Variants in AMZ1 observed in about 807,000 individuals in gnomAD.
The protein encoded by AMZ1 is archaemetzincin-1.
Under a neutral mutation model 29.9 loss-of-function variants are expected in AMZ1, and 39 were observed. The observed-to-expected ratio is 1.30, with a 90% CI of 1.01 to 1.70. The LOEUF (loss-of-function observed/expected upper bound fraction) is 1.70. AMZ1 is among the 40% of genes most tolerant of loss of function. AMZ1 has a pLI of 0.00. For synonymous variants in AMZ1, 458 were observed against 304.0 expected, an observed-to-expected ratio of 1.51 and a Z score of -5.27; for missense variants, 1,041 against 680.6, an observed-to-expected ratio of 1.53 and a Z score of -5.89.
intron 4 of AMZ1, chr7:2,733,459 C>A: frequency 6.2e-7 from 1 of 1,613,746 alleles, no homozygotes; most frequent in East Asian, 2.2e-5. Flanking sequence ...ACCAGCTGGC[C>A]GATCCGGTCC....
intron 4 of AMZ1, among the ~76,000 whole-genome samples, chr7:2,750,459 T>C (rs987391310): frequency 5.9e-5 from 9 of 152,240 alleles, no homozygotes; most frequent in African/African-American, 1.7e-4. Flanking sequence ...AAGCCTTGAA[T>C]AATACCCAAC....
downstream of AMZ1, among the ~76,000 whole-genome samples, chr7:2,721,103 A>G (rs536028740): frequency 2.1e-4 from 32 of 152,104 alleles, no homozygotes; most frequent in Non-Finnish European, 4.4e-4. Context: ...AAAACGACCG[A>G]CTCTATTGAA....
intron 1 of AMZ1, among the ~76,000 whole-genome samples, chr7:2,699,404 C>T (rs1023809437): frequency 1.8e-4 from 27 of 152,316 alleles, no homozygotes; most frequent in Admixed American, 1.3e-3. Flanking sequence ...GCTGTTGCTT[C>T]TCCACTTCTC....
At chr7:2,683,196 C>A (rs1034433851) in intron 1 of AMZ1, among the ~76,000 whole-genome samples, 2 of 152,184 alleles carry the variant, frequency 1.3e-5, no homozygotes, top group African/African-American at 4.8e-5. Flanking sequence ...TGACAAATGA[C>A]CACAGCTGTG....
chr7:2,736,468 GTGTC>G (rs568110451), intron 4 of AMZ1, among the ~76,000 whole-genome samples: 38 of 152,334 alleles, frequency 2.5e-4, no homozygotes, highest in African/African-American at 8.9e-4. Flanking sequence ...TCCCACGAAT[GTGTC>G]TGTCCTCTCA....
intron 4 of AMZ1, among the ~76,000 whole-genome samples, chr7:2,743,431 C>A (rs535770153): frequency 2.0e-5 from 3 of 152,296 alleles, no homozygotes; most frequent in South Asian, 4.1e-4. Context: ...AAGTTATCAA[C>A]TCAAATATCC....
intron 6 of AMZ1, among the ~76,000 whole-genome samples, chr7:2,711,013 G>A (rs950625364): frequency 8.5e-5 from 13 of 152,150 alleles, no homozygotes; most frequent in Non-Finnish European, 1.8e-4. Flanking sequence ...GCAACCATCT[G>A]ACATGAACTT....
At chr7:2,738,614 C>A (rs1384807447) in intron 4 of AMZ1, among the ~76,000 whole-genome samples, 3 of 152,004 alleles carry the variant, frequency 2.0e-5, no homozygotes, top group African/African-American at 7.3e-5. Flanking sequence ...ATAAAAATGA[C>A]TTCTAGGGAG....
chr7:2,713,964 C>G lies in AMZ1; in HGVS notation c.*1086C>G, dbSNP rs1008637256. On this transcript the variant is annotated 3_prime_UTR_variant, in exon 7 of 7. Transcript: ENST00000683327. ...AGTTGCTGAGAGAGGGGTATTATTG[C>G]CATGGCTGGGCGTTTGATCTGTCTC... is the stretch of plus-strand genomic sequence containing the variant. 1 of 152,112 alleles carries G rather than the reference C, an allele frequency of 6.6e-6. No individual in the cohort carries two copies. Among genetic ancestry groups the G allele is most frequent in the Non-Finnish European group, 1.5e-5 (1 of 68,058 alleles). The allele number at this position is 152,112 out of a possible 1,614,324, so 9.4% of individuals were successfully genotyped here.
chr7:2,739,831 C>G (rs553276857), intron 4 of AMZ1, among the ~76,000 whole-genome samples: 1 of 152,312 alleles, frequency 6.6e-6, no homozygotes, highest in African/African-American at 2.4e-5. Flanking sequence ...GCCACCAAAC[C>G]TGGCTAATTT....
chr7:2,685,827 T>A (rs146048657), upstream of AMZ1, among the ~76,000 whole-genome samples: 734 of 138,198 alleles, frequency 5.3e-3, 5 homozygotes, highest in African/African-American at 0.019. Context: ...CACTCCAGCC[T>A]GAGTGACAGA....
In AMZ1 at chr7:2,737,274, G is replaced by GTTTT. The variant is rs1041056812; in HGVS notation, n.551-27427_551-27424dup. On this transcript the variant is annotated intron_variant and non_coding_transcript_variant, in intron 4 of 4. Transcript: ENST00000489665. ...AGGAGCTATCTCACAGTTTTGTTTTGTTTTTTTTTTTTTTGTTTTTTTTTT... is the reference window on the plus strand; with the variant it reads ...AGGAGCTATCTCACAGTTTTGTTTTGTTTTTTTTTTTTTTTTTTGTTTTTTTTTT... Among the ~76,000 whole-genome samples, 272 of 35,002 alleles carry GTTTT rather than the reference G, an allele frequency of 7.8e-3. 27 individuals carry two copies. The highest frequency in any genetic ancestry group is 0.025 in the East Asian group (30 of 1,198). 23.0% of individuals were successfully genotyped at this position (35,002 alleles called of 152,430 possible). A position where few individuals can be genotyped will look rare whatever the true frequency, so the allele number is the denominator to read the frequency against.
rs1039819279 is a variant in AMZ1 at position 2,719,435 on chromosome 7, A to C, written c.*6557A>C. On this transcript the variant is annotated 3_prime_UTR_variant, in exon 7 of 7. Transcript: ENST00000683327. ...CCCAGAGCATCCCTTGGCCCGACGC[A>C]CAAGTCCCACAATAGCCTCTCCCAA... Among the ~76,000 whole-genome samples, 1 of 152,212 alleles carries C rather than the reference A, an allele frequency of 6.6e-6. No individual in the cohort carries two copies. The highest frequency in any genetic ancestry group is 2.4e-5 in the African/African-American group (1 of 41,452).
rs144869210 is a variant in AMZ1, at chr7:2,693,241, A to G, written c.-219+4945A>G. ...GTAGCTGGGATTACAGGCATGCGCC[A>G]CCACGCCCAGCTAATATTGTATTTT... is the stretch of plus-strand genomic sequence containing the variant. On this transcript the variant is annotated intron_variant, in intron 1 of 6. Coordinates refer to ENST00000683327, the MANE Select transcript of AMZ1 (RefSeq NM_001384743.1). Among the ~76,000 whole-genome samples, 933 of 152,242 alleles carry G rather than the reference A, an allele frequency of 6.1e-3. 13 individuals carry two copies. Among genetic ancestry groups the G allele is most frequent in the African/African-American group, 0.021 (892 of 41,536 alleles).
At chr7:2,724,030 C>T (rs1284054764), downstream of AMZ1, among the ~76,000 whole-genome samples, 14 of 151,234 alleles carry the variant, frequency 9.3e-5, no homozygotes, top group African/African-American at 2.9e-4. Flanking sequence ...CTCAGCCTCC[C>T]GAGTAGCTGA....
At chr7:2,735,845 T>A (rs1435874166) in intron 4 of AMZ1, among the ~76,000 whole-genome samples, 1 of 152,098 alleles carries the variant, frequency 6.6e-6, no homozygotes, top group Non-Finnish European at 1.5e-5. Context: ...GCCACTGAAC[T>A]GTAAGGTGCC....
intron 2 of AMZ1, 42 bp from the exon 3 acceptor site, chr7:2,702,680 G>A (rs1329664419): frequency 3.4e-6 from 5 of 1,490,042 alleles, no homozygotes; most frequent in Non-Finnish European, 4.5e-6. Context: ...GTCCCAGGCG[G>A]GCAGGGGCGT....
chr7:2,709,153 T>G lies in AMZ1; in HGVS notation c.680T>G (p.Val227Gly). 6.3e-7 allele frequency: 1 copy of G among 1,583,044 alleles called. No individual in the cohort carries two copies. The highest frequency in any genetic ancestry group is 8.6e-7 in the Non-Finnish European group (1 of 1,166,098). Residue 227 changes from valine (V) to glycine (G), a missense_variant, in exon 5 of 7, where the codon GTA (valine) becomes GGA (glycine). By Grantham distance (109) the Val-to-Gly change is moderately radical. Transcript: ENST00000683327. The part of the protein sequence containing the change: ...SGPSAPDLAL[V>G]EAAADGPEAP... ...CCCAGCGCCCCTGATCTGGCCCTGG[T>G]AGAGGCAGCAGCAGACGGCCCCGAG...
chr7:2,712,998 A>G lies in AMZ1; in HGVS notation c.*120A>G. 1 of 1,153,114 alleles carries G rather than the reference A, an allele frequency of 8.7e-7. No homozygotes were observed. The highest frequency in any genetic ancestry group is 1.1e-6 in the Non-Finnish European group (1 of 873,900). 71.4% of individuals were successfully genotyped at this position (1,153,114 alleles called of 1,614,324 possible). On this transcript the variant is annotated 3_prime_UTR_variant, in exon 7 of 7. Coordinates refer to ENST00000683327, the MANE Select transcript of AMZ1 (RefSeq NM_001384743.1). ...GAAGGGTCTGCCTGGGTGGTGGCTCAGGCCTGTCATCCCATCACTTTGAGA... is the reference window on the plus strand; with the variant it reads ...GAAGGGTCTGCCTGGGTGGTGGCTCGGGCCTGTCATCCCATCACTTTGAGA...
Sources: gnomAD v4.1 joint callset for allele counts (sites outside exome capture counted in the v4.1 genomes callset) on GRCh38, gnomAD v4.1.1 for gene constraint, MANE v1.5 for transcripts, NCBI Gene and HGNC (gene_info 2026-07-23, HGNC 2026-07-21) for gene names.